ZNF329: variants seen among roughly 807,000 people sequenced by gnomAD.
ZNF329 encodes zinc finger protein 329.
In ZNF329, 15 loss-of-function variants were observed where a neutral mutation model predicts 26.6. The observed-to-expected ratio is 0.56, with a 90% CI of 0.38 to 0.87. The LOEUF (loss-of-function observed/expected upper bound fraction) is 0.87, where lower values mean the gene tolerates loss of function less well. Among genes scored for constraint, ZNF329 ranks in the 40% least tolerant of loss-of-function variants. The pLI is 0.00. For missense variants in ZNF329, 651 were observed against 651.9 expected, an observed-to-expected ratio of 1.00 and a Z score of 0.02; for synonymous variants, 239 against 233.5, an observed-to-expected ratio of 1.02 and a Z score of -0.21.
rs1600046280 is a variant in ZNF329, at chr19:58,129,302, C to T, written c.202G>A (p.Gly68Ser). Residue 68 changes from glycine (G) to serine (S), a missense_variant, in exon 4 of 4, where the codon GGT becomes AGT. Physicochemically the swap from Gly to Ser is moderately conservative, Grantham distance 56. Transcript: ENST00000598312. ...CTTGCAATCAAATGCTCCCCAAAACCAGGATATTCACAAATTGCTTCCTGA... is the reference window on the plus strand; with the variant it reads ...CTTGCAATCAAATGCTCCCCAAAACTAGGATATTCACAAATTGCTTCCTGA... ...GTQEAICEYP[G>S]FGEHLIASSD... 6.2e-7 allele frequency: 1 copy of T among 1,614,160 alleles called. No individual in the cohort carries two copies. The highest frequency in any genetic ancestry group is 8.5e-7 in the Non-Finnish European group (1 of 1,180,026).
In ZNF329 at chr19:58,128,763, A is replaced by C. The variant is rs1568656591; in HGVS notation, c.741T>G (p.Ile247Met). Residue 247 changes from isoleucine (I) to methionine (M), a missense_variant, in exon 4 of 4, where the codon ATT (isoleucine) becomes ATG (methionine). Transcript: ENST00000598312. The part of the protein sequence containing the change: ...GKSFSKNYNL[I>M]VHQRIHTGEK... ...CTCCTGTGTGGATTCTTTGATGCAC[A>C]ATCAGGTTGTAGTTCTTGGAGAAGG... 1 of 1,603,252 alleles carries C rather than the reference A, an allele frequency of 6.2e-7. No individual in the cohort carries two copies. Among genetic ancestry groups the C allele is most frequent in the Non-Finnish European group, 8.5e-7 (1 of 1,175,270 alleles).
At chr19:58,130,886 G>A (rs2074925164) in intron 3 of ZNF329, among the ~76,000 whole-genome samples, 1 of 152,012 alleles carries the variant, frequency 6.6e-6, no homozygotes, top group Non-Finnish European at 1.5e-5. Context: ...CTGTCATTCA[G>A]GCTGAAGTGC....
chr19:58,154,709 C>T (rs2075515170), upstream of ZNF329: 1 of 152,272 alleles, frequency 6.6e-6, no homozygotes, highest in Admixed American at 6.5e-5. Context: ...CCCCCCCCGC[C>T]CCAGGCGGAG....
At chr19:58,130,543 G>A (rs572629357) in intron 3 of ZNF329, among the ~76,000 whole-genome samples, 110 of 147,018 alleles carry the variant, frequency 7.5e-4, no homozygotes, top group African/African-American at 1.8e-3. Flanking sequence ...GCGTGGTGGC[G>A]GGCGCCTGTA....
intron 3 of ZNF329, among the ~76,000 whole-genome samples, chr19:58,134,753 T>C (rs927164562): frequency 2.6e-5 from 4 of 152,092 alleles, no homozygotes; most frequent in South Asian, 2.1e-4. Context: ...CTGGCCAACA[T>C]GGTAAAACCA....
chr19:58,133,648 T>C (rs1202939462), intron 3 of ZNF329, among the ~76,000 whole-genome samples: 1 of 151,944 alleles, frequency 6.6e-6, no homozygotes, highest in Non-Finnish European at 1.5e-5. Flanking sequence ...TTAGAAAATG[T>C]TGTTCTTCAA....
chr19:58,128,667 T>G lies in ZNF329; in HGVS notation c.837A>C (p.Arg279Ser). 1 of 1,602,560 alleles carries G rather than the reference T, an allele frequency of 6.2e-7. No individual in the cohort carries two copies. The highest frequency in any genetic ancestry group is 2.2e-5 in the East Asian group (1 of 44,762). The part of the protein sequence containing the change: ...SDGSALTQHQ[R>S]IHTGEKPYEC... ...CATAAGGTTTCTCGCCTGTGTGAAT[T>G]CTCTGGTGCTGTGTCAGAGCTGAGC... Residue 279 changes from arginine to serine, a missense_variant, in exon 4 of 4, where the codon AGA becomes AGC. Coordinates refer to ENST00000598312, the MANE Select transcript of ZNF329 (RefSeq NM_024620.4).
upstream of ZNF329, among the ~76,000 whole-genome samples, chr19:58,152,644 G>A (rs1427637019): frequency 6.6e-6 from 1 of 152,108 alleles, no homozygotes; most frequent in African/African-American, 2.4e-5. Context: ...GATCACTTGA[G>A]GTCAGGAATT....
intron 1 of ZNF329, among the ~76,000 whole-genome samples, chr19:58,144,451 G>C (rs574918731): frequency 5.9e-5 from 9 of 151,276 alleles, no homozygotes; most frequent in Admixed American, 5.9e-4. Context: ...GCAGTGGCGC[G>C]ATCTCGGCTC....
chr19:58,138,736 C>A (rs1284534151), intron 3 of ZNF329, among the ~76,000 whole-genome samples: 2 of 152,136 alleles, frequency 1.3e-5, no homozygotes, highest in Non-Finnish European at 2.9e-5. Context: ...GTGGCTCACA[C>A]CTGTAATCCC....
chr19:58,131,109 A>ATGTGTG (rs1397885691), intron 3 of ZNF329, among the ~76,000 whole-genome samples: 111 of 147,478 alleles, frequency 7.5e-4, no homozygotes, highest in African/African-American at 2.5e-3. Flanking sequence ...ATATACATGT[A>ATGTGTG]TATGTGTATA....
chr19:58,130,341 A>G (rs1158966948), intron 3 of ZNF329, among the ~76,000 whole-genome samples: 3 of 151,422 alleles, frequency 2.0e-5, no homozygotes, highest in African/African-American at 7.3e-5. Flanking sequence ...AAACAAAACA[A>G]AAACTGTCAA....
chr19:58,136,123 C>T (rs916149998), intron 3 of ZNF329, among the ~76,000 whole-genome samples: 5 of 151,022 alleles, frequency 3.3e-5, no homozygotes, highest in African/African-American at 1.2e-4. Flanking sequence ...CCCAGCTACT[C>T]GGGAGGCTGA....
intron 1 of ZNF329, among the ~76,000 whole-genome samples, chr19:58,147,643 TG>T: frequency 7.9e-6 from 1 of 126,588 alleles, no homozygotes; most frequent in Non-Finnish European, 1.6e-5. Context: ...AGGAGGGAGG[TG>T]GGGGGCCAGC....
chr19:58,139,215 TAAAC>T (rs565510950), intron 3 of ZNF329, among the ~76,000 whole-genome samples: 2 of 151,912 alleles, frequency 1.3e-5, no homozygotes, highest in Non-Finnish European at 2.9e-5. Context: ...AAATAAAACT[TAAAC>T]ACCACCAAGA....
At chr19:58,146,686 A>C (rs974392945) in intron 1 of ZNF329, among the ~76,000 whole-genome samples, 10 of 150,910 alleles carry the variant, frequency 6.6e-5, no homozygotes, top group Non-Finnish European at 1.2e-4. Flanking sequence ...GAGTGCCTGC[A>C]ATTGCAGGCA....
At chr19:58,149,742 T>C (rs2075407227) in intron 1 of ZNF329, among the ~76,000 whole-genome samples, 2 of 152,168 alleles carry the variant, frequency 1.3e-5, no homozygotes, top group African/African-American at 4.8e-5. Context: ...ATAAAGGACC[T>C]TTTCAGGCTG....
intron 1 of ZNF329, among the ~76,000 whole-genome samples, chr19:58,147,562 C>A (rs1414608225): frequency 2.8e-5 from 4 of 140,908 alleles, no homozygotes; most frequent in Non-Finnish European, 6.1e-5. Flanking sequence ...GTCAGCCCCC[C>A]GCCCGGCCAG....
At chr19:58,151,652 T>TC (rs1460996624), upstream of ZNF329, among the ~76,000 whole-genome samples, 4 of 148,932 alleles carry the variant, frequency 2.7e-5, no homozygotes, top group African/African-American at 9.8e-5. Context: ...TAGACAGTTC[T>TC]CCAAAAACAG....
Sources: gnomAD v4.1 joint callset for allele counts (sites outside exome capture counted in the v4.1 genomes callset) on GRCh38, gnomAD v4.1.1 for gene constraint, MANE v1.5 for transcripts, NCBI Gene and HGNC (gene_info 2026-07-23, HGNC 2026-07-21) for gene names.